The following ATP6V1A variants were observed in gnomAD, a reference collection of about 807,000 sequenced individuals.
The protein encoded by ATP6V1A is ATPase H+ transporting V1 subunit A.
A neutral mutation model predicts 70.1 loss-of-function variants in ATP6V1A; 18 were observed. The observed-to-expected ratio is 0.26, with a 90% CI of 0.18 to 0.38. ATP6V1A has a LOEUF of 0.38. Ranked by LOEUF, ATP6V1A falls within the 10% of genes least tolerant of loss-of-function variation. ATP6V1A has a pLI of 1.00. For synonymous variants in ATP6V1A, 232 were observed against 253.8 expected (o/e 0.91, Z 0.82); for missense variants, 424 against 772.4 (o/e 0.55, Z 5.35).
At chr3:113,788,923 A>G (rs368976950) in intron 7 of ATP6V1A, 48 bp downstream of exon 7, 3 of 1,530,428 alleles carry the variant, frequency 2.0e-6, no homozygotes, top group African/African-American at 2.8e-5. Context: ...ACCACTCATC[A>G]GTGTTCATTG....
chr3:113,800,755 G>T (rs1195195816), intron 12 of ATP6V1A, among the ~76,000 whole-genome samples: 1 of 152,042 alleles, frequency 6.6e-6, no homozygotes, highest in Non-Finnish European at 1.5e-5. Context: ...ACAAAAAAAA[G>T]AGTTTTTTGA....
rs140550572 is a variant in ATP6V1A at position 113,766,925 on chromosome 3, C to T, written c.-13-11816C>T. On this transcript the variant is annotated intron_variant, in intron 1 of 14. Transcript: ENST00000273398. ...TACATACCTAGGTGTTGTGACCAGA[C>T]CAAATCTGGGCATCATCACTCTTTA... Among the ~76,000 whole-genome samples the T allele has an allele frequency of 8.6e-3, 1,316 of 152,152 alleles. 14 individuals carry two copies. The highest frequency in any genetic ancestry group is 0.028 in the African/African-American group (1,177 of 41,488).
At chr3:113,747,669 G>C (rs1046962559) in intron 1 of ATP6V1A, among the ~76,000 whole-genome samples, 1 of 152,302 alleles carries the variant, frequency 6.6e-6, no homozygotes, top group African/African-American at 2.4e-5. Flanking sequence ...TGCAGGGAAG[G>C]TTCCGTAGAT....
At chr3:113,785,561 T>G (rs1709030030) in intron 5 of ATP6V1A, among the ~76,000 whole-genome samples, 2 of 141,762 alleles carry the variant, frequency 1.4e-5, no homozygotes, top group Admixed American at 7.7e-5. Flanking sequence ...CAGACTGGAG[T>G]GCAGTGGTGC....
Position 113,773,932 on chromosome 3 carries a change from G to A in ATP6V1A, c.-13-4809G>A, listed in dbSNP as rs80201687. Among the ~76,000 whole-genome samples, 6 of 152,184 alleles carry A rather than the reference G, an allele frequency of 3.9e-5. No homozygotes were observed. The East Asian group carries it at 1.2e-3, about 29-fold the overall frequency. On this transcript the variant is annotated intron_variant, in intron 1 of 14. Coordinates refer to ENST00000273398, the MANE Select transcript of ATP6V1A (RefSeq NM_001690.4). ...TTCCACTATGCCAGAAGATCCTTGG[G>A]GGAAAGATTGTGTCTTACTTCATTA... is the stretch of plus-strand genomic sequence containing the variant.
At chr3:113,780,200 T>G (rs1402380036) in intron 2 of ATP6V1A, among the ~76,000 whole-genome samples, 1 of 152,266 alleles carries the variant, frequency 6.6e-6, no homozygotes, top group Non-Finnish European at 1.5e-5. Context: ...CTTCATTGTT[T>G]TTACACAGGT....
At chr3:113,766,852 G>A (rs1708777096) in intron 1 of ATP6V1A, among the ~76,000 whole-genome samples, 1 of 152,090 alleles carries the variant, frequency 6.6e-6, no homozygotes, top group South Asian at 2.1e-4. Context: ...CAGCCTAATA[G>A]CTAAAGGTGA....
intron 1 of ATP6V1A, among the ~76,000 whole-genome samples, chr3:113,762,043 T>C (rs1270608906): frequency 7.8e-6 from 1 of 128,480 alleles, no homozygotes; most frequent in East Asian, 2.5e-4. Flanking sequence ...TCGCAGCTAC[T>C]CTGGAGGCTG....
At chr3:113,804,832 C>CA (rs1189509269) in intron 13 of ATP6V1A, among the ~76,000 whole-genome samples, 1 of 152,168 alleles carries the variant, frequency 6.6e-6, no homozygotes, top group South Asian at 2.1e-4. Context: ...GTTCACGTGT[C>CA]TGTTATTTAA....
chr3:113,803,462 G>A lies in ATP6V1A; in HGVS notation c.1495-121G>A, dbSNP rs1709238340. ...AACATCAATCAAAAAGCCGTTATAA[G>A]TAAATTTATTAACAATAGGTGATGG... On this transcript the variant is annotated intron_variant, in intron 12 of 14. Coordinates refer to ENST00000273398, the MANE Select transcript of ATP6V1A (RefSeq NM_001690.4). The A allele has an allele frequency of 8.1e-6, 6 of 745,306 alleles. No individual in the cohort carries two copies. In the Admixed American group the frequency reaches 1.6e-4, roughly 20 times the overall value. The allele number at this position is 745,306 out of a possible 1,614,324, so 46.2% of individuals were successfully genotyped here. A position where few individuals can be genotyped will look rare whatever the true frequency, so the allele number is the denominator to read the frequency against.
intron 1 of ATP6V1A, among the ~76,000 whole-genome samples, chr3:113,748,311 T>C (rs1322000567): frequency 2.0e-5 from 3 of 152,230 alleles, no homozygotes; most frequent in East Asian, 1.9e-4. Flanking sequence ...GGGAAGAATG[T>C]TTTTCAGTTT....
intron 3 of ATP6V1A, among the ~76,000 whole-genome samples, chr3:113,783,924 ATAT>A (rs1253224134): frequency 1.3e-5 from 2 of 152,154 alleles, no homozygotes; most frequent in Non-Finnish European, 2.9e-5. Context: ...ACTGAAATTA[ATAT>A]TATTTTTTCT....
Position 113,805,225 on chromosome 3 carries a change from G to A in ATP6V1A, c.1590-129G>A, listed in dbSNP as rs141266369. 890 of 909,582 alleles carry A rather than the reference G, an allele frequency of 9.8e-4. 11 individuals carry two copies. In the East Asian group the frequency reaches 0.018, roughly 18 times the overall value. 56.3% of individuals were successfully genotyped at this position (909,582 alleles called of 1,614,324 possible). On this transcript the variant is annotated intron_variant, in intron 13 of 14. Transcript: ENST00000273398. ...TTCACTATTATTTTTTTATTCCTTA[G>A]GTATCATCTAATAAATAAGCAATCT...
intron 6 of ATP6V1A, 71 bp from the exon 7 acceptor site, chr3:113,788,642 C>T (rs1709061875): frequency 3.3e-6 from 5 of 1,493,292 alleles, no homozygotes; most frequent in Admixed American, 2.0e-5. Flanking sequence ...AGCCACCGCG[C>T]CCGGCCCCTA....
chr3:113,805,220 C>T (rs932272703), intron 13 of ATP6V1A, 134 bp from the exon 14 acceptor site: 9 of 871,140 alleles, frequency 1.0e-5, no homozygotes, highest in Non-Finnish European at 1.6e-5. Context: ...TTTTTTTATT[C>T]CTTAGGTATC....
intron 3 of ATP6V1A, 120 bp downstream of exon 3, chr3:113,781,298 C>T (rs1161466814): frequency 1.1e-5 from 13 of 1,155,304 alleles, no homozygotes; most frequent in Non-Finnish European, 1.5e-5. Flanking sequence ...AGGTGGATCA[C>T]CTGAGGTCAG....
intron 5 of ATP6V1A, among the ~76,000 whole-genome samples, chr3:113,785,506 C>CTTTTTTTTTTTTT (rs987781968): frequency 3.9e-4 from 42 of 107,128 alleles, no homozygotes; most frequent in East Asian, 5.5e-4. Context: ...TTTTTCTTTT[C>CTTTTTTTTTTTTT]TTTTTTTTTT....
chr3:113,774,274 G>GT (rs1393374661), intron 1 of ATP6V1A, among the ~76,000 whole-genome samples: 3 of 152,144 alleles, frequency 2.0e-5, no homozygotes, highest in African/African-American at 7.2e-5. Flanking sequence ...TGGTAGCGAG[G>GT]TAAGAATCAC....
chr3:113,808,608 A>G (rs185202345), intron 14 of ATP6V1A, among the ~76,000 whole-genome samples: 1 of 152,142 alleles, frequency 6.6e-6, no homozygotes, highest in Admixed American at 6.5e-5. Flanking sequence ...TCTTTTATAC[A>G]TATTACTCAG....
Sources: allele counts gnomAD v4.1 joint callset (sites outside exome capture counted in the v4.1 genomes callset), GRCh38; gene constraint gnomAD v4.1.1; transcripts MANE v1.5; gene names NCBI Gene and HGNC (gene_info 2026-07-23, HGNC 2026-07-21).